Variants in CACNA2D3 observed in about 807,000 individuals in gnomAD.
CACNA2D3 encodes the protein calcium voltage-gated channel auxiliary subunit alpha2delta 3.
In CACNA2D3, 60 loss-of-function variants were observed where a neutral mutation model predicts 160.6. The ratio of observed to expected loss-of-function variants is 0.37; its 90% confidence interval spans 0.30 to 0.46. CACNA2D3 has a LOEUF of 0.46. CACNA2D3 is among the 20% of genes least tolerant of loss of function. The pLI is 1.00. For synonymous variants in CACNA2D3, 558 were observed against 492.9 expected, an observed-to-expected ratio of 1.13 and a Z score of -1.75; for missense variants, 1,205 against 1,365.0, an observed-to-expected ratio of 0.88 and a Z score of 1.85.
intron 4 of CACNA2D3, among the ~76,000 whole-genome samples, chr3:54,439,778 G>C (rs1700115004): frequency 2.0e-5 from 3 of 152,106 alleles, no homozygotes; most frequent in African/African-American, 7.2e-5. Flanking sequence ...ATGGGAGACT[G>C]AGTCCTCCTC....
chr3:54,816,678 A>G (rs1046878865), intron 13 of CACNA2D3, among the ~76,000 whole-genome samples, 175 bp from the exon 14 acceptor site: 1 of 152,242 alleles, frequency 6.6e-6, no homozygotes, highest in African/African-American at 2.4e-5. Context: ...AAGCAGGTCA[A>G]ATAATCAGCA....
chr3:54,762,491 T>C (rs1364209845), intron 12 of CACNA2D3, among the ~76,000 whole-genome samples: 1 of 152,194 alleles, frequency 6.6e-6, no homozygotes, highest in East Asian at 1.9e-4. Flanking sequence ...AATTGTCTGT[T>C]TACTCAGAAC....
At chr3:54,448,418 C>T (rs1444685418) in intron 4 of CACNA2D3, among the ~76,000 whole-genome samples, 8 of 152,278 alleles carry the variant, frequency 5.3e-5, no homozygotes, top group Middle Eastern at 3.4e-3. Flanking sequence ...CAAACAATGT[C>T]GTCAGGACCC....
intron 11 of CACNA2D3, among the ~76,000 whole-genome samples, chr3:54,676,395 CTGGGTCTCG>C (rs1700244897): frequency 6.6e-6 from 1 of 152,084 alleles, no homozygotes. Flanking sequence ...AGCATGGTTC[CTGGGTCTCG>C]GTAAGACCTC....
At chr3:54,800,903 T>C (rs2106670357) in intron 13 of CACNA2D3, among the ~76,000 whole-genome samples, 1 of 152,308 alleles carries the variant, frequency 6.6e-6, no homozygotes, top group African/African-American at 2.4e-5. Flanking sequence ...ATTTTGAAGT[T>C]TAATATTCTC....
rs868091998 is a variant in CACNA2D3, at chr3:54,599,801, C to T, written c.963+17924C>T. Among the ~76,000 whole-genome samples the T allele has an allele frequency of 7.9e-5, 12 of 152,268 alleles. No homozygotes were observed. In the South Asian group the frequency reaches 1.0e-3, roughly 13 times the overall value. ...GAGAAATCACTGAAGCTTTTAGTGC[C>T]GCGTGGCTTCACTCTGCTCGTTCCT... is the stretch of plus-strand genomic sequence containing the variant. On this transcript the variant is annotated intron_variant, in intron 9 of 37. Coordinates refer to ENST00000474759, the MANE Select transcript of CACNA2D3 (RefSeq NM_018398.3).
chr3:54,799,794 TCACACAG>T (rs1702944071), intron 13 of CACNA2D3, among the ~76,000 whole-genome samples: 1 of 152,162 alleles, frequency 6.6e-6, no homozygotes, highest in Admixed American at 6.5e-5. Context: ...GCTGTCTGCC[TCACACAG>T]CAAGTCCCAT....
chr3:54,124,445 A>G (rs551562520), intron 2 of CACNA2D3, among the ~76,000 whole-genome samples: 1 of 152,364 alleles, frequency 6.6e-6, no homozygotes, highest in East Asian at 1.9e-4. Flanking sequence ...TAATCAAAGT[A>G]TTCTCTTGAT....
intron 27 of CACNA2D3, among the ~76,000 whole-genome samples, chr3:54,927,661 A>G (rs1220767674): frequency 6.6e-6 from 1 of 152,182 alleles, no homozygotes; most frequent in African/African-American, 2.4e-5. Flanking sequence ...CATGTTTCCT[A>G]TGAAATGGCC....
chr3:54,785,037 G>A (rs906980355), intron 13 of CACNA2D3, among the ~76,000 whole-genome samples: 2 of 152,156 alleles, frequency 1.3e-5, no homozygotes, highest in Non-Finnish European at 2.9e-5. Context: ...AACAAATCTA[G>A]CAGGAGCTCA....
intron 23 of CACNA2D3, among the ~76,000 whole-genome samples, chr3:54,887,674 T>A (rs895328910): frequency 1.3e-5 from 2 of 152,108 alleles, no homozygotes; most frequent in Non-Finnish European, 2.9e-5. Context: ...TGCTGGTCCA[T>A]GGCAGGAACC....
At chr3:54,392,954 G>C (rs1275044334) in intron 4 of CACNA2D3, among the ~76,000 whole-genome samples, 3 of 152,190 alleles carry the variant, frequency 2.0e-5, no homozygotes, top group Non-Finnish European at 4.4e-5. Context: ...GAAGCCCTTA[G>C]TGCTTGTCCC....
intron 11 of CACNA2D3, among the ~76,000 whole-genome samples, chr3:54,696,753 G>A (rs1261979840): frequency 1.3e-5 from 2 of 152,166 alleles, no homozygotes; most frequent in Non-Finnish European, 2.9e-5. Context: ...CCCTCCAGAA[G>A]ACATTTTAAA....
chr3:54,128,051 T>G (rs1699631308), intron 2 of CACNA2D3, among the ~76,000 whole-genome samples: 1 of 152,164 alleles, frequency 6.6e-6, no homozygotes, highest in Non-Finnish European at 1.5e-5. Flanking sequence ...TACTCAAAAT[T>G]AAGGGAAAAT....
intron 11 of CACNA2D3, among the ~76,000 whole-genome samples, chr3:54,737,944 G>T (rs9816657): frequency 0.065 from 9,832 of 152,164 alleles, 1,020 homozygotes; most frequent in African/African-American, 0.22. Context: ...GGAATTACAG[G>T]TGTGAGCCAC....
At chr3:54,284,567 A>C (rs1253204713) in intron 2 of CACNA2D3, among the ~76,000 whole-genome samples, 2 of 152,180 alleles carry the variant, frequency 1.3e-5, no homozygotes, top group African/African-American at 4.8e-5. Context: ...TCGTATTAAA[A>C]TGTCTTAATT....
chr3:54,983,777 T>C (rs1427230307), intron 29 of CACNA2D3, among the ~76,000 whole-genome samples: 1 of 152,198 alleles, frequency 6.6e-6, no homozygotes, highest in African/African-American at 2.4e-5. Flanking sequence ...AGTAAAGATA[T>C]GTTACAAATT....
chr3:54,793,631 G>A (rs980925651), intron 13 of CACNA2D3, among the ~76,000 whole-genome samples: 3 of 152,186 alleles, frequency 2.0e-5, no homozygotes, highest in African/African-American at 4.8e-5. Context: ...AACTCTAATG[G>A]ATGAGGCCAT....
chr3:54,841,863 C>T (rs1698825718), intron 16 of CACNA2D3, among the ~76,000 whole-genome samples: 1 of 152,158 alleles, frequency 6.6e-6, no homozygotes, highest in Non-Finnish European at 1.5e-5. Flanking sequence ...GCTGTTGGAC[C>T]ACGTGGCTTC....
Sources: gnomAD v4.1 joint callset for allele counts (sites outside exome capture counted in the v4.1 genomes callset) on GRCh38, gnomAD v4.1.1 for gene constraint, MANE v1.5 for transcripts, NCBI Gene and HGNC (gene_info 2026-07-23, HGNC 2026-07-21) for gene names.